Variants in ADGRD1 observed in about 807,000 individuals in gnomAD.
ADGRD1 encodes G-protein coupled receptor 133.
ADGRD1 carries 77 observed loss-of-function variants against 113.4 expected under a neutral mutation model. That is an observed-to-expected ratio of 0.68 (90% CI 0.57 to 0.82). The LOEUF (loss-of-function observed/expected upper bound fraction) is 0.82, where lower values mean the gene tolerates loss of function less well. Among genes scored for constraint, ADGRD1 ranks in the 40% least tolerant of loss-of-function variants. The pLI, the probability that ADGRD1 is intolerant of heterozygous loss-of-function variation, is 0.00. For synonymous variants in ADGRD1, 474 were observed against 475.0 expected (o/e 1.00, Z 0.03); for missense variants, 1,036 against 1,139.1 (o/e 0.91, Z 1.30).
At chr12:130,977,059 C>T (rs1872404670) in intron 4 of ADGRD1, 1 of 152,048 alleles carries the variant, frequency 6.6e-6, no homozygotes, top group Admixed American at 6.5e-5. Context: ...GGGAAAATTT[C>T]ATTTAAAAAT....
chr12:130,962,503 C>T (rs1472800423), intron 2 of ADGRD1: 1 of 152,078 alleles, frequency 6.6e-6, no homozygotes, highest in Non-Finnish European at 1.5e-5. Flanking sequence ...TCCCAGATGA[C>T]TTGAATAACA....
At chr12:131,101,426 G>T (rs1433994531) in intron 15 of ADGRD1, among the ~76,000 whole-genome samples, 1 of 112,946 alleles carries the variant, frequency 8.9e-6, no homozygotes, top group African/African-American at 3.8e-5. Context: ...TGGCTCTGTC[G>T]CCCAGGCTGG....
intron 24 of ADGRD1, among the ~76,000 whole-genome samples, chr12:131,138,479 G>C (rs189600958): frequency 1.4e-3 from 216 of 152,298 alleles, no homozygotes; most frequent in African/African-American, 4.4e-3. Context: ...TTCACTTAGG[G>C]ATGGAAGGAC....
rs529353740 is a variant in ADGRD1 at position 130,972,523 on chromosome 12, G to A, written c.310+943G>A. ...AACCAGAATTTTGAGCAATGGTTAT[G>A]AGGCCCAAAACCACGGTCAGGTTTA... On this transcript the variant is annotated intron_variant, in intron 4 of 24. Coordinates refer to ENST00000261654, the MANE Select transcript of ADGRD1 (RefSeq NM_198827.5). Among the ~76,000 whole-genome samples the A allele has an allele frequency of 2.0e-5, 3 of 152,278 alleles. No homozygotes were observed. In the South Asian group the frequency reaches 6.2e-4, roughly 32 times the overall value.
intron 12 of ADGRD1, among the ~76,000 whole-genome samples, chr12:131,011,835 G>C (rs1304962251): frequency 6.6e-6 from 1 of 152,238 alleles, no homozygotes; most frequent in African/African-American, 2.4e-5. Flanking sequence ...ACTGGGCACA[G>C]AGAGTGAGAA....
intron 23 of ADGRD1, 32 bp downstream of exon 23, chr12:131,137,046 G>T: frequency 6.3e-7 from 1 of 1,580,522 alleles, no homozygotes. Context: ...GCAGGTGCAG[G>T]TGCAGCTGGC....
chr12:131,048,647 T>C (rs1424266791), intron 13 of ADGRD1, among the ~76,000 whole-genome samples: 1 of 152,160 alleles, frequency 6.6e-6, no homozygotes. Flanking sequence ...ACAATGATAA[T>C]AGGTTGTCGA....
chr12:130,987,571 GTTGAT>G, intron 6 of ADGRD1: 1 of 587,716 alleles, frequency 1.7e-6, no homozygotes, highest in South Asian at 2.1e-5. Flanking sequence ...ATATTGTTCT[GTTGAT>G]CATCACGGGG....
Position 130,982,046 on chromosome 12 carries a change from C to G in ADGRD1, c.473C>G (p.Ala158Gly). The G allele has an allele frequency of 6.2e-7, 1 of 1,613,584 alleles. No individual in the cohort carries two copies. The highest frequency in any genetic ancestry group is 1.1e-5 in the South Asian group (1 of 91,058). The stretch of plus-strand genomic sequence containing the variant: ...CGGGACAATTCCATGACATGGGAGG[C>G]CTCCTTCAGCCCCCCAGGTGAGTGA... ...YTRDNSMTWE[A>G]SFSPPGPYWT... is the part of the protein sequence containing the mutation. Residue 158 changes from alanine (A) to glycine (G), a missense_variant, in exon 5 of 25, where the codon GCC (alanine) becomes GGC (glycine). Ala to Gly is a moderately conservative substitution (Grantham distance 60). Transcript: ENST00000261654.
At chr12:131,045,358 A>G (rs1027667817) in intron 13 of ADGRD1, among the ~76,000 whole-genome samples, 2 of 152,200 alleles carry the variant, frequency 1.3e-5, no homozygotes, top group Non-Finnish European at 1.5e-5. Context: ...TGGTGCCATC[A>G]TGTTGGTCTC....
At chr12:131,012,324 G>A (rs1024806128) in intron 12 of ADGRD1, among the ~76,000 whole-genome samples, 2 of 149,236 alleles carry the variant, frequency 1.3e-5, no homozygotes, top group Admixed American at 6.7e-5. Flanking sequence ...TGTGTCATCT[G>A]GACTTTGGGC....
chr12:131,102,600 G>C (rs1234774927), intron 15 of ADGRD1, among the ~76,000 whole-genome samples: 2 of 152,164 alleles, frequency 1.3e-5, no homozygotes, highest in African/African-American at 4.8e-5. Context: ...GAGTCGGTGT[G>C]AGTTCACCAA....
chr12:131,105,694 C>T, intron 16 of ADGRD1, 60 bp from the exon 17 acceptor site: 2 of 1,372,150 alleles, frequency 1.5e-6, no homozygotes, highest in Admixed American at 3.6e-5. Context: ...GCCAGGGAGC[C>T]CAGCCTGGGG....
rs573981495 is a variant in ADGRD1 at position 130,976,592 on chromosome 12, G to A, written c.310+5012G>A. On this transcript the variant is annotated intron_variant, in intron 4 of 24. Transcript: ENST00000261654. ...ATACGTGCTTGGTTTGGTGGGCGCCGTGTTGATCTTCTGTTTTTAGAGTGA... is the reference window on the plus strand; with the variant it reads ...ATACGTGCTTGGTTTGGTGGGCGCCATGTTGATCTTCTGTTTTTAGAGTGA... 3.3e-5 allele frequency among the ~76,000 whole-genome samples: 5 copies of A among 152,294 alleles called. No homozygotes were observed. The East Asian group carries it at 7.7e-4, about 24-fold the overall frequency.
At chr12:131,009,875 A>G (rs1186600434) in intron 12 of ADGRD1, among the ~76,000 whole-genome samples, 3 of 152,222 alleles carry the variant, frequency 2.0e-5, no homozygotes, top group South Asian at 4.1e-4. Context: ...ATGGCAAATG[A>G]TAAGAGCTGA....
intron 2 of ADGRD1, among the ~76,000 whole-genome samples, chr12:130,956,154 C>T (rs1371131335): frequency 2.0e-5 from 3 of 152,192 alleles, no homozygotes; most frequent in Admixed American, 1.3e-4. Flanking sequence ...GATCCCAGGG[C>T]GATACCCAGG....
rs1168317408 is a variant in ADGRD1 at position 131,027,923 on chromosome 12, G to C, written c.1473+13583G>C. 6.6e-6 allele frequency: 1 copy of C among 152,240 alleles called. No individual in the cohort carries two copies. Among genetic ancestry groups the C allele is most frequent in the Non-Finnish European group, 1.5e-5 (1 of 68,044 alleles). The allele number at this position is 152,240 out of a possible 1,614,324, so 9.4% of individuals were successfully genotyped here. On this transcript the variant is annotated intron_variant, in intron 13 of 24. Coordinates refer to ENST00000261654, the MANE Select transcript of ADGRD1 (RefSeq NM_198827.5). The surrounding 1 kb of genome is among the most constrained non-coding windows in gnomAD (Gnocchi z 5.1). ...GGAATGCCTTTTCCAGACGCCAGCA[G>C]AACAGAGCTGCCGGATGTTCTAGTG...
intron 13 of ADGRD1, among the ~76,000 whole-genome samples, chr12:131,037,790 C>T (rs542978834): frequency 0.029 from 1,597 of 54,654 alleles, 75 homozygotes; most frequent in African/African-American, 0.1. Context: ...CTCACTGCAC[C>T]GGGTCTCACT....
chr12:131,108,503 T>A (rs1950281829), intron 17 of ADGRD1, among the ~76,000 whole-genome samples: 2 of 152,084 alleles, frequency 1.3e-5, no homozygotes, highest in Non-Finnish European at 2.9e-5. Flanking sequence ...CCTGAACCAA[T>A]CACCATCCCT....
Sources: allele counts gnomAD v4.1 joint callset (sites outside exome capture counted in the v4.1 genomes callset), GRCh38; gene constraint gnomAD v4.1.1; non-coding constraint Gnocchi (gnomAD v3.1); transcripts MANE v1.5; gene names NCBI Gene and HGNC (gene_info 2026-07-23, HGNC 2026-07-21).